NAALADL2: variants seen among roughly 807,000 people sequenced by gnomAD.
NAALADL2 encodes N-acetylated alpha-linked acidic dipeptidase like 2, also known as inactive N-acetylated-alpha-linked acidic dipeptidase-like protein 2.
Under a neutral mutation model 87.2 loss-of-function variants are expected in NAALADL2, and 76 were observed. The ratio of observed to expected loss-of-function variants is 0.87; its 90% confidence interval spans 0.72 to 1.05. NAALADL2 has a LOEUF of 1.05. Among genes scored for constraint, NAALADL2 ranks in the 50% least tolerant of loss-of-function variants. The pLI is 0.00. For missense variants in NAALADL2, 1,089 were observed against 945.8 expected (o/e 1.15, Z -1.99); for synonymous variants, 354 against 331.0 (o/e 1.07, Z -0.75).
At chr3:174,456,411 C>CAAAAAAAAAAA (rs59833697) in intron 1 of NAALADL2, among the ~76,000 whole-genome samples, 1 of 56,392 alleles carries the variant, frequency 1.8e-5, no homozygotes, top group African/African-American at 7.1e-5. Context: ...CAATCCTAAG[C>CAAAAAAAAAAA]AAAAAAAAAA....
At chr3:175,208,880 G>T (rs2109242733) in intron 2 of NAALADL2, among the ~76,000 whole-genome samples, 1 of 152,254 alleles carries the variant, frequency 6.6e-6, no homozygotes, top group East Asian at 1.9e-4. Context: ...GTCAGTCCAG[G>T]CGCAGATTGA....
chr3:175,612,370 A>G (rs1724762189), intron 10 of NAALADL2, among the ~76,000 whole-genome samples: 1 of 152,172 alleles, frequency 6.6e-6, no homozygotes, highest in South Asian at 2.1e-4. Flanking sequence ...AAGTGATAAA[A>G]TCTAGATAAG....
chr3:175,377,433 T>C (rs1400659196), intron 5 of NAALADL2, among the ~76,000 whole-genome samples: 2 of 152,236 alleles, frequency 1.3e-5, no homozygotes, highest in African/African-American at 4.8e-5. Flanking sequence ...TTGTTACTTG[T>C]TTTTGCTTCT....
At chr3:175,161,059 C>T (rs1466252131) in intron 2 of NAALADL2, among the ~76,000 whole-genome samples, 1 of 151,874 alleles carries the variant, frequency 6.6e-6, no homozygotes, top group Non-Finnish European at 1.5e-5. Context: ...CATATGGAAG[C>T]ATAGAACTTC....
intron 13 of NAALADL2, among the ~76,000 whole-genome samples, chr3:175,786,195 C>G (rs866174073): frequency 6.6e-6 from 1 of 151,690 alleles, no homozygotes; most frequent in African/African-American, 2.4e-5. Context: ...TTGCTCTTCT[C>G]GAGGAGTATC....
Position 174,619,508 on chromosome 3 carries a change from G to A in NAALADL2, c.-115+68871G>A, listed in dbSNP as rs974117006. 2.6e-5 allele frequency among the ~76,000 whole-genome samples: 4 copies of A among 151,968 alleles called. No homozygotes were observed. The South Asian group carries it at 8.3e-4, about 31-fold the overall frequency. On this transcript the variant is annotated intron_variant, in intron 2 of 3. Coordinates refer to the NAALADL2 transcript ENST00000434257. ...TACTGGCAGCCCCTTTACAACAGGG[G>A]TGCTAGCCTGTTTCTGTAATTAGGA...
intron 10 of NAALADL2, among the ~76,000 whole-genome samples, chr3:175,610,723 G>A (rs775102151): frequency 1.4e-4 from 22 of 152,056 alleles, no homozygotes; most frequent in Non-Finnish European, 2.1e-4. Context: ...ACATGAACAT[G>A]TTTATCAGTG....
intron 2 of NAALADL2, among the ~76,000 whole-genome samples, chr3:174,627,930 C>T (rs903728447): frequency 1.3e-5 from 2 of 152,056 alleles, no homozygotes; most frequent in Non-Finnish European, 2.9e-5. Flanking sequence ...ACACGGGAGA[C>T]GTCCAAAGCT....
intron 5 of NAALADL2, among the ~76,000 whole-genome samples, chr3:175,400,421 T>C (rs1461338242): frequency 2.0e-5 from 3 of 152,158 alleles, no homozygotes; most frequent in African/African-American, 7.2e-5. Context: ...GGACCATGTT[T>C]GTCTGTGTCC....
chr3:175,221,345 A>G (rs1743342220), intron 2 of NAALADL2, among the ~76,000 whole-genome samples: 1 of 152,022 alleles, frequency 6.6e-6, no homozygotes, highest in African/African-American at 2.4e-5. Flanking sequence ...AGTTCATGGC[A>G]TATATACTGT....
chr3:175,604,596 G>A (rs1052631824), intron 10 of NAALADL2, among the ~76,000 whole-genome samples: 10 of 151,972 alleles, frequency 6.6e-5, no homozygotes, highest in Admixed American at 1.3e-4. Context: ...GAGGCACCAC[G>A]CCCAGCCGAA....
At chr3:174,999,916 T>C (rs28521646) in intron 1 of NAALADL2, among the ~76,000 whole-genome samples, 31,344 of 152,094 alleles carry the variant, frequency 0.21, 5,404 homozygotes, top group African/African-American at 0.47. Flanking sequence ...AATGGAGAAC[T>C]TCTAGTTTTA....
chr3:175,151,313 T>G (rs975875574), intron 2 of NAALADL2, among the ~76,000 whole-genome samples: 1 of 152,164 alleles, frequency 6.6e-6, no homozygotes, highest in Admixed American at 6.5e-5. Context: ...AGCAACCACA[T>G]GTAACTGGCT....
At chr3:175,200,219 C>CCT (rs1739821161) in intron 2 of NAALADL2, among the ~76,000 whole-genome samples, 1 of 151,908 alleles carries the variant, frequency 6.6e-6, no homozygotes, top group Non-Finnish European at 1.5e-5. Context: ...AAAGGGTATG[C>CCT]CTCTAGTGGG....
At chr3:175,251,008 GT>G (rs1198848689) in intron 3 of NAALADL2, among the ~76,000 whole-genome samples, 3 of 152,254 alleles carry the variant, frequency 2.0e-5, no homozygotes, top group Non-Finnish European at 4.4e-5. Context: ...ATCTGATTTG[GT>G]TTCCAGAGGA....
chr3:175,573,219 T>C (rs1718351161), intron 9 of NAALADL2, among the ~76,000 whole-genome samples: 1 of 152,244 alleles, frequency 6.6e-6, no homozygotes, highest in Non-Finnish European at 1.5e-5. Flanking sequence ...AGTTAACGTA[T>C]GTAAAACAAA....
chr3:174,922,094 C>A (rs1735310933), intron 1 of NAALADL2, among the ~76,000 whole-genome samples: 1 of 151,744 alleles, frequency 6.6e-6, no homozygotes, highest in South Asian at 2.1e-4. Flanking sequence ...TTGCTTAAGT[C>A]CAGGTGTTTG....
intron 2 of NAALADL2, among the ~76,000 whole-genome samples, chr3:175,197,521 T>C (rs1739206626): frequency 6.6e-6 from 1 of 152,018 alleles, no homozygotes; most frequent in Admixed American, 6.6e-5. Context: ...GACACACCCA[T>C]TTCAAATCTG....
chr3:175,512,853 G>A (rs1731347038), intron 9 of NAALADL2, among the ~76,000 whole-genome samples: 1 of 152,172 alleles, frequency 6.6e-6, no homozygotes, highest in Admixed American at 6.5e-5. Flanking sequence ...ATTTGCCTTT[G>A]TTTCCTTGGA....
Sources: gnomAD v4.1 joint callset for allele counts (sites outside exome capture counted in the v4.1 genomes callset) on GRCh38, gnomAD v4.1.1 for gene constraint, MANE v1.5 for transcripts, NCBI Gene and HGNC (gene_info 2026-07-23, HGNC 2026-07-21) for gene names.